Variants in COL23A1 observed in about 807,000 individuals in gnomAD.
COL23A1 encodes collagen type XXIII alpha 1 chain, also known as collagen alpha-1(XXIII) chain.
Under a neutral mutation model 99.3 loss-of-function variants are expected in COL23A1, and 97 were observed. That is an observed-to-expected ratio of 0.98 (90% CI 0.83 to 1.16). The LOEUF (loss-of-function observed/expected upper bound fraction) is 1.16. Among genes scored for constraint, COL23A1 ranks in the 50% most tolerant of loss-of-function variants. The probability of loss-of-function intolerance (pLI) is 0.00; values close to 1 mark genes in which losing one functional copy is unlikely to be tolerated. For missense variants in COL23A1, 762 were observed against 757.4 expected (o/e 1.01, Z -0.07); for synonymous variants, 320 against 308.2 (o/e 1.04, Z -0.40).
At chr5:178,558,982 G>T (rs1291490959) in intron 2 of COL23A1, among the ~76,000 whole-genome samples, 2 of 152,058 alleles carry the variant, frequency 1.3e-5, no homozygotes, top group Non-Finnish European at 2.9e-5. Flanking sequence ...TAGAGACAGG[G>T]TTTCACCACG....
At chr5:178,367,407 G>A (rs892844589) in intron 2 of COL23A1, among the ~76,000 whole-genome samples, 1 of 152,182 alleles carries the variant, frequency 6.6e-6, no homozygotes, top group Admixed American at 6.5e-5. Context: ...AAGGTGGAGT[G>A]ATCTCCATTT....
chr5:178,248,311 A>C, intron 19 of COL23A1, 57 bp from the exon 20 acceptor site: 2 of 1,347,774 alleles, frequency 1.5e-6, no homozygotes, highest in South Asian at 1.2e-5. Flanking sequence ...ATCACCACCC[A>C]CGGTGCTTAG....
At chr5:178,497,379 A>G (rs1758251825) in intron 2 of COL23A1, among the ~76,000 whole-genome samples, 1 of 152,212 alleles carries the variant, frequency 6.6e-6, no homozygotes, top group South Asian at 2.1e-4. Flanking sequence ...GTGTATCCCC[A>G]GGGCTGCTGG....
intron 5 of COL23A1, among the ~76,000 whole-genome samples, chr5:178,282,448 G>C (rs922792390): frequency 6.6e-6 from 1 of 152,194 alleles, no homozygotes; most frequent in African/African-American, 2.4e-5. Flanking sequence ...TGTTTCTGGG[G>C]GTGGTCTGAG....
At chr5:178,358,715 GTGTA>G (rs1762004535) in intron 2 of COL23A1, among the ~76,000 whole-genome samples, 4 of 144,476 alleles carry the variant, frequency 2.8e-5, no homozygotes, top group Admixed American at 1.4e-4. Context: ...GTGTGTATGT[GTGTA>G]TGTGTATGTG....
intron 2 of COL23A1, among the ~76,000 whole-genome samples, chr5:178,462,952 C>T (rs901093745): frequency 6.6e-6 from 1 of 152,240 alleles, no homozygotes; most frequent in African/African-American, 2.4e-5. Context: ...GGCGTTTGCT[C>T]TTTATTTGGA....
At chr5:178,480,830 C>T (rs145374060) in intron 2 of COL23A1, among the ~76,000 whole-genome samples, 48 of 152,220 alleles carry the variant, frequency 3.2e-4, no homozygotes, top group African/African-American at 1.1e-3. Context: ...GGGATATCCA[C>T]AGACATTCTT....
At chr5:178,251,251 G>C (rs920684298) in intron 17 of COL23A1, among the ~76,000 whole-genome samples, 1 of 151,966 alleles carries the variant, frequency 6.6e-6, no homozygotes, top group Non-Finnish European at 1.5e-5. Context: ...TTGAACTCCT[G>C]ACCTTGTGAT....
chr5:178,580,448 C>T (rs1763606475), intron 1 of COL23A1, among the ~76,000 whole-genome samples: 1 of 150,726 alleles, frequency 6.6e-6, no homozygotes, highest in Middle Eastern at 3.5e-3. Flanking sequence ...ACGTGACTTT[C>T]AGAGGACATC....
chr5:178,494,763 C>CT (rs1359189545), intron 2 of COL23A1, among the ~76,000 whole-genome samples: 1 of 152,204 alleles, frequency 6.6e-6, no homozygotes, highest in African/African-American at 2.4e-5. Context: ...CAAACAGCCC[C>CT]TTTCCACCTC....
chr5:178,291,191 A>G (rs1216342363), intron 3 of COL23A1, among the ~76,000 whole-genome samples: 10 of 152,058 alleles, frequency 6.6e-5, no homozygotes, highest in Non-Finnish European at 1.0e-4. Flanking sequence ...GCCAAACCAG[A>G]CCCCGAACCT....
At chr5:178,259,779 G>T in intron 11 of COL23A1, 32 bp from the exon 12 acceptor site, 1 of 1,592,152 alleles carries the variant, frequency 6.3e-7, no homozygotes, top group Non-Finnish European at 8.6e-7. Flanking sequence ...TCAAGAGCAA[G>T]GTCAAAACCA....
At chr5:178,430,442 G>A (rs1169168334) in intron 2 of COL23A1, among the ~76,000 whole-genome samples, 1 of 152,194 alleles carries the variant, frequency 6.6e-6, no homozygotes. Context: ...ACAATGGGAC[G>A]TGGGAAGACA....
intron 2 of COL23A1, among the ~76,000 whole-genome samples, chr5:178,484,612 G>A (rs546758363): frequency 3.6e-4 from 55 of 151,800 alleles, no homozygotes; most frequent in Non-Finnish European, 6.0e-4. Context: ...TCACGAGGTC[G>A]GGAGATTGAG....
At chr5:178,409,836 C>T (rs1764972542) in intron 2 of COL23A1, among the ~76,000 whole-genome samples, 1 of 151,984 alleles carries the variant, frequency 6.6e-6, no homozygotes, top group Non-Finnish European at 1.5e-5. Flanking sequence ...AAATTGGATG[C>T]CTACCTCAGT....
At position 178,439,109 on chromosome 5, in the gene COL23A1, A is replaced by G. The variant is rs944657233; in HGVS notation, c.361+121573T>C. The G allele has an allele frequency of 3.3e-5, 5 of 152,390 alleles. No homozygotes were observed. Among genetic ancestry groups the G allele is most frequent in the African/African-American group, 1.2e-4 (5 of 41,576 alleles). The allele number at this position is 152,390 out of a possible 1,614,324, so 9.4% of individuals were successfully genotyped here. On this transcript the variant is annotated intron_variant, in intron 2 of 28. Coordinates refer to ENST00000390654, the MANE Select transcript of COL23A1 (RefSeq NM_173465.4). The surrounding 1 kb of genome is among the most constrained non-coding windows in gnomAD (Gnocchi z 4.2). ...TCAGTTACATCAGGACCCAGCCAGC[A>G]GATTTTAAAGTTTTCCAGGTGATTC...
intron 5 of COL23A1, among the ~76,000 whole-genome samples, chr5:178,279,348 G>A (rs990941948): frequency 1.3e-5 from 2 of 152,226 alleles, no homozygotes; most frequent in South Asian, 4.1e-4. Context: ...CAGCCACATG[G>A]CTCCAGTGCC....
Position 178,428,670 on chromosome 5 carries a change from GGGGCT to G in COL23A1, c.362-121756_362-121752del, listed in dbSNP as rs1766082969. 1.3e-5 allele frequency among the ~76,000 whole-genome samples: 2 copies of G among 152,254 alleles called. No homozygotes were observed. Among genetic ancestry groups the G allele is most frequent in the African/African-American group, 4.8e-5 (2 of 41,472 alleles). On this transcript the variant is annotated intron_variant, in intron 2 of 28. Coordinates refer to ENST00000390654, the MANE Select transcript of COL23A1 (RefSeq NM_173465.4). The surrounding 1 kb of genome is among the most constrained non-coding windows in gnomAD (Gnocchi z 5.0). The stretch of plus-strand genomic sequence containing the variant: ...TATGTCAGCGCCCGGATTGTGTGCT[GGGGCT>G]GGGCTGGGGACAGGATGTTTTCTGC...
chr5:178,590,376 G>C lies in COL23A1; in HGVS notation c.-179C>G, dbSNP rs1358218041. 7.1e-6 allele frequency: 3 copies of C among 420,194 alleles called. No individual in the cohort carries two copies. The highest frequency in any genetic ancestry group is 5.0e-5 in the Admixed American group (1 of 20,092). 26.0% of individuals were successfully genotyped at this position (420,194 alleles called of 1,614,324 possible). ...TCGCCGCAGCCAGCTCCTCCACAGC[G>C]GCCACTTTGGGCAGTTTCCTCTATG... On this transcript the variant is annotated 5_prime_UTR_variant, in exon 1 of 29. Coordinates refer to ENST00000390654, the MANE Select transcript of COL23A1 (RefSeq NM_173465.4). The surrounding 1 kb of genome is among the most constrained non-coding windows in gnomAD (Gnocchi z 5.7).
Sources: allele counts gnomAD v4.1 joint callset (sites outside exome capture counted in the v4.1 genomes callset), GRCh38; gene constraint gnomAD v4.1.1; non-coding constraint Gnocchi (gnomAD v3.1); transcripts MANE v1.5; gene names NCBI Gene and HGNC (gene_info 2026-07-23, HGNC 2026-07-21).